The following ORC5 variants were observed in gnomAD, a reference collection of about 807,000 sequenced individuals.
The protein encoded by ORC5 is protein phosphatase 1, regulatory subunit 117.
In ORC5, 39 loss-of-function variants were observed where a neutral mutation model predicts 58.8. That is an observed-to-expected ratio of 0.66 (90% CI 0.51 to 0.87). The LOEUF (loss-of-function observed/expected upper bound fraction) is 0.87. ORC5 is among the 40% of genes least tolerant of loss of function. ORC5 has a pLI of 0.00. For missense variants in ORC5, 493 were observed against 506.3 expected (o/e 0.97, Z 0.25); for synonymous variants, 218 against 177.6 (o/e 1.23, Z -1.81).
At position 104,207,433 on chromosome 7, in the gene ORC5, A is replaced by G. The variant is rs548403110; in HGVS notation, c.72+400T>C. 9.2e-5 allele frequency among the ~76,000 whole-genome samples: 14 copies of G among 152,266 alleles called. No individual in the cohort carries two copies. The South Asian group carries it at 2.9e-3, about 32-fold the overall frequency. The stretch of plus-strand genomic sequence containing the variant: ...GCCTTGAAAGCAACCACCTCTCTAC[A>G]CTTGACTCACTCCAACTACCGCACA... On this transcript the variant is annotated intron_variant, in intron 1 of 13. Transcript: ENST00000297431.
chr7:104,155,353 A>G (rs1798907287), intron 12 of ORC5, among the ~76,000 whole-genome samples: 1 of 151,730 alleles, frequency 6.6e-6, no homozygotes. Flanking sequence ...ACAACTAAGT[A>G]TGAAACCACT....
intron 6 of ORC5, chr7:104,184,380 C>CTG (rs1799499301): frequency 1.8e-6 from 1 of 552,310 alleles, no homozygotes; most frequent in African/African-American, 1.9e-5. Context: ...CCCAGGAGAT[C>CTG]AAGCCTGTAG....
chr7:104,148,785 G>A (rs964454746), intron 12 of ORC5, among the ~76,000 whole-genome samples: 3 of 152,090 alleles, frequency 2.0e-5, no homozygotes, highest in African/African-American at 7.2e-5. Context: ...TGTAACCCCC[G>A]CACTTGGGGA....
At chr7:104,137,822 AACCTTGC>A (rs957269487) in intron 12 of ORC5, among the ~76,000 whole-genome samples, 1 of 152,028 alleles carries the variant, frequency 6.6e-6, no homozygotes, top group African/African-American at 2.4e-5. Context: ...TATTCAATAA[AACCTTGC>A]ACTCATTTTC....
At chr7:104,178,655 T>C (rs1799371807) in intron 8 of ORC5, among the ~76,000 whole-genome samples, 2 of 152,306 alleles carry the variant, frequency 1.3e-5, no homozygotes, top group South Asian at 2.1e-4. Context: ...TCCTGAATGG[T>C]GTTGCCTAGG....
At chr7:104,135,013 G>A (rs1378897864) in intron 13 of ORC5, among the ~76,000 whole-genome samples, 3 of 152,156 alleles carry the variant, frequency 2.0e-5, no homozygotes, top group Admixed American at 6.5e-5. Flanking sequence ...TCCTTCTGAG[G>A]TGGTAAATGA....
Position 104,133,774 on chromosome 7 carries a change from A to T in ORC5, c.1262+3007T>A, listed in dbSNP as rs1050221128. On this transcript the variant is annotated intron_variant, in intron 13 of 13. Transcript: ENST00000297431. The surrounding 1 kb of genome is among the most constrained non-coding windows in gnomAD (Gnocchi z 4.7). ...TCAGATGGTAAAGATAGCCTTTGTT[A>T]GTAAAAACAACCAAAGAATAAAGAG... 7.2e-5 allele frequency among the ~76,000 whole-genome samples: 11 copies of T among 152,184 alleles called. No homozygotes were observed. Among genetic ancestry groups the T allele is most frequent in the Admixed American group, 5.2e-4 (8 of 15,284 alleles).
Position 104,184,191 on chromosome 7 carries a change from AAG to A in ORC5, c.685-22_685-21del, listed in dbSNP as rs1164360102. 3 of 1,451,804 alleles carry A rather than the reference AAG, an allele frequency of 2.1e-6. No homozygotes were observed. Among genetic ancestry groups the A allele is most frequent in the Non-Finnish European group, 2.8e-6 (3 of 1,064,698 alleles). 89.9% of individuals were successfully genotyped at this position (1,451,804 alleles called of 1,614,324 possible). Reference sequence around the variant, plus strand: ...TACTGCCTGTAAGTAAAGAAAAAAAAAGAGAAGAAAAAAAGCACTGATCGATC... The same window carrying A: ...TACTGCCTGTAAGTAAAGAAAAAAAAAGAAGAAAAAAAGCACTGATCGATC... On this transcript the variant is annotated intron_variant, in intron 6 of 13. Transcript: ENST00000297431.
At chr7:104,183,528 G>A (rs1256858000) in intron 8 of ORC5, among the ~76,000 whole-genome samples, 1 of 152,060 alleles carries the variant, frequency 6.6e-6, no homozygotes, top group Non-Finnish European at 1.5e-5. Context: ...CATGAAGGAA[G>A]GGTTCACATG....
Position 104,188,276 on chromosome 7 carries a change from C to A in ORC5, c.659G>T (p.Arg220Leu). Residue 220 changes from arginine to leucine, a missense_variant, in exon 6 of 14, where the codon CGA (arginine) becomes CTA (leucine). Transcript: ENST00000297431. ...ILLGVFYTVC[R>L]DLKELRHLAV... The stretch of plus-strand genomic sequence containing the variant: ...CAGATGTCTGAGCTCTTTCAAATCT[C>A]GACAAACAGTGTAGAAAACTCCAAG... The A allele has an allele frequency of 6.2e-7, 1 of 1,612,296 alleles. No homozygotes were observed. The highest frequency in any genetic ancestry group is 8.5e-7 in the Non-Finnish European group (1 of 1,179,064).
At position 104,207,736 on chromosome 7, in the gene ORC5, C is replaced by A. The variant is rs139405719; in HGVS notation, c.72+97G>T. The A allele has an allele frequency of 3.4e-6, 4 of 1,171,056 alleles. No individual in the cohort carries two copies. The East Asian group carries it at 7.1e-5, about 21-fold the overall frequency. 72.5% of individuals were successfully genotyped at this position (1,171,056 alleles called of 1,614,324 possible). ...ATTTAACGTAAAAACGGCCTTTTGG[C>A]CCTCAATCCAAACACGAAAAAACAA... On this transcript the variant is annotated intron_variant, in intron 1 of 13. Transcript: ENST00000297431.
chr7:104,134,724 A>C (rs1438843010), intron 13 of ORC5, among the ~76,000 whole-genome samples: 2 of 152,218 alleles, frequency 1.3e-5, no homozygotes, highest in Non-Finnish European at 2.9e-5. Flanking sequence ...GCAGCATCCC[A>C]AAGAAGGAAT....
chr7:104,183,122 C>T (rs1266671391), intron 8 of ORC5, among the ~76,000 whole-genome samples: 56 of 152,068 alleles, frequency 3.7e-4, no homozygotes, highest in Non-Finnish European at 1.2e-4. Context: ...GCAACAAGAG[C>T]GAAACTACGT....
intron 5 of ORC5, among the ~76,000 whole-genome samples, chr7:104,191,907 A>C (rs1296551983): frequency 6.6e-6 from 1 of 152,142 alleles, no homozygotes; most frequent in African/African-American, 2.4e-5. Flanking sequence ...GTGAGGGAGT[A>C]GGAACATCCA....
At chr7:104,206,849 A>T (rs1800098860) in intron 1 of ORC5, among the ~76,000 whole-genome samples, 1 of 152,232 alleles carries the variant, frequency 6.6e-6, no homozygotes, top group African/African-American at 2.4e-5. Flanking sequence ...TACAGTATTC[A>T]GTATAGTAGC....
At position 104,197,770 on chromosome 7, in the gene ORC5, A is replaced by C; in HGVS notation, c.396T>G (p.Asp132Glu). The C allele has an allele frequency of 6.3e-7, 1 of 1,596,344 alleles. No individual in the cohort carries two copies. Among genetic ancestry groups the C allele is most frequent in the Non-Finnish European group, 8.5e-7 (1 of 1,172,646 alleles). The change falls in exon 4 of 14, where the codon GAT becomes GAG. Residue 132 changes from aspartate (D) to glutamate (E), a missense_variant. Physicochemically the swap from Asp to Glu is conservative, Grantham distance 45. This residue lies in a region of ORC5 where 412 missense variants were observed against 403.7 expected (regional missense o/e 1.02). Coordinates refer to ENST00000297431, the MANE Select transcript of ORC5 (RefSeq NM_002553.4). Reference protein sequence around the residue: ...IVLDKAEYLRDMEANLLPGFL... With the variant: ...IVLDKAEYLREMEANLLPGFL... ...ATCCAGGCAAAAGATTTGCTTCCAT[A>C]TCTCTTAGATACTCTGCTTTATCTA... is the stretch of plus-strand genomic sequence containing the variant.
At chr7:104,195,451 GA>G (rs942053003) in intron 4 of ORC5, among the ~76,000 whole-genome samples, 197 bp from the exon 5 acceptor site, 5 of 152,156 alleles carry the variant, frequency 3.3e-5, no homozygotes, top group Admixed American at 3.3e-4. Flanking sequence ...ATCCAAGCTG[GA>G]GTGCAGTGGC....
chr7:104,154,129 C>T (rs956562586), intron 12 of ORC5, among the ~76,000 whole-genome samples: 3 of 151,976 alleles, frequency 2.0e-5, no homozygotes, highest in African/African-American at 7.2e-5. Flanking sequence ...TTAAGAAAAG[C>T]CACTCAGACT....
At chr7:104,139,878 C>A (rs1798645603) in intron 12 of ORC5, among the ~76,000 whole-genome samples, 1 of 151,946 alleles carries the variant, frequency 6.6e-6, no homozygotes, top group South Asian at 2.1e-4. Flanking sequence ...TTTTTAAAAT[C>A]TGCCTGATCA....
Sources: allele counts gnomAD v4.1 joint callset (sites outside exome capture counted in the v4.1 genomes callset), GRCh38; gene constraint gnomAD v4.1.1; regional missense constraint gnomAD v4.1.1; non-coding constraint Gnocchi (gnomAD v3.1); transcripts MANE v1.5; gene names NCBI Gene and HGNC (gene_info 2026-07-23, HGNC 2026-07-21).